SCRN3: variants seen among roughly 807,000 people sequenced by gnomAD.
SCRN3 encodes secernin 3, also known as secernin-3.
SCRN3 carries 39 observed loss-of-function variants against 43.1 expected under a neutral mutation model. The observed-to-expected ratio is 0.91, with a 90% CI of 0.70 to 1.18. The LOEUF is 1.18. Ranked by LOEUF, SCRN3 falls within the 50% of genes most tolerant of loss-of-function variation. The pLI is 0.00. For synonymous variants in SCRN3, 147 were observed against 163.1 expected, an observed-to-expected ratio of 0.90 and a Z score of 0.75; for missense variants, 484 against 498.0, an observed-to-expected ratio of 0.97 and a Z score of 0.27.
At chr2:174,400,618 G>A (rs1000169259) in intron 3 of SCRN3, among the ~76,000 whole-genome samples, 2 of 152,158 alleles carry the variant, frequency 1.3e-5, no homozygotes, top group African/African-American at 4.8e-5. Flanking sequence ...TTATTTGGGA[G>A]AAGGGAAGAA....
At chr2:174,396,171 A>G (rs1306446650) in intron 1 of SCRN3, 1 of 820,708 alleles carries the variant, frequency 1.2e-6, no homozygotes, top group East Asian at 5.4e-5. Flanking sequence ...AGCGCGTGAA[A>G]TAGAATGACA....
At chr2:174,424,417 T>G in intron 6 of SCRN3, 58 bp from the exon 7 acceptor site, 1 of 1,229,054 alleles carries the variant, frequency 8.1e-7, no homozygotes, top group Non-Finnish European at 1.1e-6. Context: ...AGACTTAGAC[T>G]AACACTGAAT....
intron 5 of SCRN3, among the ~76,000 whole-genome samples, chr2:174,421,737 G>T (rs951130498): frequency 1.3e-5 from 2 of 152,128 alleles, no homozygotes; most frequent in African/African-American, 4.8e-5. Flanking sequence ...TCTGTCACAG[G>T]CATTTCTCCT....
chr2:174,423,063 A>C lies in SCRN3; in HGVS notation c.917+16A>C. On this transcript the variant is annotated intron_variant, in intron 6 of 7. Coordinates refer to ENST00000272732, the MANE Select transcript of SCRN3 (RefSeq NM_024583.5). Reference sequence around the variant, plus strand: ...ATCCTGAGAGGTGAAGCCACAAAATACTATAAACCAGCAAGGGGTCAGGGG... The same window carrying C: ...ATCCTGAGAGGTGAAGCCACAAAATCCTATAAACCAGCAAGGGGTCAGGGG... 4 of 1,603,818 alleles carry C rather than the reference A, an allele frequency of 2.5e-6. No individual in the cohort carries two copies. The highest frequency in any genetic ancestry group is 2.6e-6 in the Non-Finnish European group (3 of 1,173,412).
chr2:174,421,140 G>A (rs1342740952), intron 5 of SCRN3, among the ~76,000 whole-genome samples: 1 of 152,128 alleles, frequency 6.6e-6, no homozygotes, highest in African/African-American at 2.4e-5. Flanking sequence ...CAGAAGGGAG[G>A]GGATTCTAAA....
intron 1 of SCRN3, among the ~76,000 whole-genome samples, chr2:174,396,452 G>A (rs1685314550): frequency 6.6e-6 from 1 of 152,164 alleles, no homozygotes; most frequent in Non-Finnish European, 1.5e-5. Flanking sequence ...GGACGTGGCT[G>A]CTACTGCAGC....
intron 5 of SCRN3, among the ~76,000 whole-genome samples, chr2:174,405,795 C>T (rs1387229117): frequency 3.6e-4 from 54 of 151,042 alleles, no homozygotes; most frequent in Admixed American, 3.6e-3. Flanking sequence ...TCTGAGGGCT[C>T]TGTTCTGTTC....
At position 174,401,184 on chromosome 2, in the gene SCRN3, T is replaced by C. The variant is rs6716400; in HGVS notation, c.536T>C (p.Val179Ala). ...TAGKYWAAEK[V>A]QEGVRNISNQ... The stretch of plus-strand genomic sequence containing the variant: ...GGGAAGTACTGGGCAGCAGAAAAAG[T>C]ACAAGGTATGGACAACTTTTTGTGA... Residue 179 changes from valine (V) to alanine (A), a missense_variant, in exon 4 of 8, where the codon GTA becomes GCA. Transcript: ENST00000272732. 2,103 of 1,613,364 alleles carry C rather than the reference T, an allele frequency of 1.3e-3. 26 individuals are homozygous for C. In the African/African-American group the frequency reaches 0.026, roughly 20 times the overall value.
At chr2:174,417,410 T>C (rs781260369) in intron 5 of SCRN3, among the ~76,000 whole-genome samples, 112 of 152,228 alleles carry the variant, frequency 7.4e-4, no homozygotes, top group Non-Finnish European at 1.2e-3. Context: ...TTCTTTTTTT[T>C]TGAGGCAGAG....
rs1225422458 is a variant in SCRN3, at chr2:174,429,189, CTT to C, written c.*1295_*1296del. 14 of 152,124 alleles carry C rather than the reference CTT, an allele frequency of 9.2e-5. No homozygotes were observed. Among genetic ancestry groups the C allele is most frequent in the Admixed American group, 9.2e-4 (14 of 15,278 alleles). The allele number at this position is 152,124 out of a possible 1,614,324, so 9.4% of individuals were successfully genotyped here. ...GCTGTCTTCTAACCCCTATACTCCT[CTT>C]CTCTCCTTTAATAGATGAGGAAACT... On this transcript the variant is annotated 3_prime_UTR_variant, in exon 8 of 8. Coordinates refer to ENST00000272732, the MANE Select transcript of SCRN3 (RefSeq NM_024583.5).
intron 5 of SCRN3, among the ~76,000 whole-genome samples, chr2:174,406,507 T>C (rs1264593905): frequency 6.9e-6 from 1 of 145,130 alleles, no homozygotes; most frequent in Non-Finnish European, 1.6e-5. Context: ...TGAATAGGAG[T>C]GGTCAGAGAG....
chr2:174,399,916 TTA>T lies in SCRN3; in HGVS notation c.160-5_160-4del. ...TGCTATGACTTTTTTTTTTTTTTTTTTACAGTGTACATATATAGAAATTGATC... is the reference window on the plus strand; with the variant it reads ...TGCTATGACTTTTTTTTTTTTTTTTTCAGTGTACATATATAGAAATTGATC... On this transcript the variant is annotated splice_region_variant and splice_polypyrimidine_tract_variant and intron_variant, in intron 2 of 7. Transcript: ENST00000272732. 7.7e-7 allele frequency: 1 copy of T among 1,291,328 alleles called. No homozygotes were observed. Among genetic ancestry groups the T allele is most frequent in the South Asian group, 2.4e-5 (1 of 42,340 alleles). The allele number at this position is 1,291,328 out of a possible 1,614,324, so 80.0% of individuals were successfully genotyped here.
chr2:174,419,514 G>A (rs928078764), intron 5 of SCRN3, among the ~76,000 whole-genome samples: 6 of 152,088 alleles, frequency 3.9e-5, no homozygotes, highest in African/African-American at 1.4e-4. Context: ...TGAGAAGCTG[G>A]AACTACAGGC....
chr2:174,424,684 G>A, intron 7 of SCRN3, 35 bp downstream of exon 7: 1 of 1,523,386 alleles, frequency 6.6e-7, no homozygotes, highest in Non-Finnish European at 9.0e-7. Context: ...ATATCATTAA[G>A]TGTAAAGTTA....
chr2:174,422,964 C>T lies in SCRN3; in HGVS notation c.834C>T (p.Thr278=). The part of the protein sequence containing the change: ...SGINMEGEFL[T]TASMVSILPQ... ...TTAATATGGAGGGAGAATTCCTGAC[C>T]ACTGCAAGCATGGTTTCTATTTTAC... Residue 278 remains threonine (T), a synonymous_variant, in exon 6 of 8, where the codon ACC becomes ACT. Transcript: ENST00000272732. 1.2e-6 allele frequency: 2 copies of T among 1,613,052 alleles called. No individual in the cohort carries two copies. Among genetic ancestry groups the T allele is most frequent in the Non-Finnish European group, 1.7e-6 (2 of 1,179,062 alleles).
At chr2:174,412,759 C>T (rs1413284958) in intron 5 of SCRN3, among the ~76,000 whole-genome samples, 1 of 151,928 alleles carries the variant, frequency 6.6e-6, no homozygotes, top group Admixed American at 6.5e-5. Flanking sequence ...ATGCTTGGGC[C>T]TACCCTAAGC....
rs936651586 is a variant in SCRN3, at chr2:174,429,231, C to T, written c.*1336C>T. The T allele has an allele frequency of 7.9e-5, 12 of 152,150 alleles. No individual in the cohort carries two copies. The highest frequency in any genetic ancestry group is 4.8e-5 in the African/African-American group (2 of 41,432). The allele number at this position is 152,150 out of a possible 1,614,324, so 9.4% of individuals were successfully genotyped here. A position where few individuals can be genotyped will look rare whatever the true frequency, so the allele number is the denominator to read the frequency against. ...ATGAGGAAACTAAGGGCAAACAGTT[C>T]GTTACACTTACGGGAATCTTATTTC... On this transcript the variant is annotated 3_prime_UTR_variant, in exon 8 of 8. Transcript: ENST00000272732.
chr2:174,413,586 C>CTTTTTTTTTTTTTTTTTTT (rs10524979), intron 5 of SCRN3, among the ~76,000 whole-genome samples: 1 of 90,226 alleles, frequency 1.1e-5, no homozygotes, highest in Non-Finnish European at 2.2e-5. Context: ...TTTGTCTTTC[C>CTTTTTTTTTTTTTTTTTTT]TTTTTTTTTT....
At position 174,401,112 on chromosome 2, in the gene SCRN3, G is replaced by A. The variant is rs776362891; in HGVS notation, c.464G>A (p.Ser155Asn). 6.2e-7 allele frequency: 1 copy of A among 1,613,922 alleles called. No homozygotes were observed. Among genetic ancestry groups the A allele is most frequent in the Admixed American group, 1.7e-5 (1 of 59,974 alleles). Reference sequence around the variant, plus strand: ...AGAATGGTATTTAGCTATCACAACAGTTTCCTGATAGCTGATAGGAATGAA... The same window carrying A: ...AGAATGGTATTTAGCTATCACAACAATTTCCTGATAGCTGATAGGAATGAA... ...EGRMVFSYHN[S>N]FLIADRNEAW... Residue 155 changes from serine to asparagine, a missense_variant, in exon 4 of 8, where the codon AGT becomes AAT. Transcript: ENST00000272732.
Sources: gnomAD v4.1 joint callset for allele counts (sites outside exome capture counted in the v4.1 genomes callset) on GRCh38, gnomAD v4.1.1 for gene constraint, MANE v1.5 for transcripts, NCBI Gene and HGNC (gene_info 2026-07-23, HGNC 2026-07-21) for gene names.